L3MBTL4: variants seen among roughly 807,000 people sequenced by gnomAD.
The protein encoded by L3MBTL4 is L3MBTL histone methyl-lysine binding protein 4.
Under a neutral mutation model 84.5 loss-of-function variants are expected in L3MBTL4, and 70 were observed. That is an observed-to-expected ratio of 0.83 (90% confidence interval 0.68 to 1.01). The LOEUF (loss-of-function observed/expected upper bound fraction) is 1.01, where lower values mean the gene tolerates loss of function less well. L3MBTL4 is among the 50% of genes least tolerant of loss of function. The pLI is 0.00. For synonymous variants in L3MBTL4, 274 were observed against 259.8 expected (o/e 1.05, Z -0.52); for missense variants, 715 against 754.8 (o/e 0.95, Z 0.62).
intron 1 of L3MBTL4, among the ~76,000 whole-genome samples, chr18:6,337,838 T>C (rs967094740): frequency 4.6e-5 from 7 of 151,968 alleles, no homozygotes; most frequent in African/African-American, 1.7e-4. Context: ...TCTAACCATA[T>C]GCTAATAAGA....
At chr18:6,122,229 T>G (rs2059554747) in intron 14 of L3MBTL4, among the ~76,000 whole-genome samples, 1 of 151,964 alleles carries the variant, frequency 6.6e-6, no homozygotes, top group Non-Finnish European at 1.5e-5. Flanking sequence ...ATTATTAACT[T>G]GTACAATAGA....
At chr18:6,052,460 A>G (rs531487098) in intron 16 of L3MBTL4, among the ~76,000 whole-genome samples, 74 of 152,346 alleles carry the variant, frequency 4.9e-4, no homozygotes, top group Admixed American at 8.5e-4. Context: ...AAAGAAATAT[A>G]TTGGATTGTA....
intron 12 of L3MBTL4, among the ~76,000 whole-genome samples, chr18:6,185,891 C>T (rs73383936): frequency 0.018 from 2,675 of 151,672 alleles, 85 homozygotes; most frequent in African/African-American, 0.062. Context: ...CTGCAAGGGG[C>T]CCGGATCTGG....
chr18:6,034,018 A>T (rs1296767706), intron 16 of L3MBTL4, among the ~76,000 whole-genome samples: 1 of 152,180 alleles, frequency 6.6e-6, no homozygotes, highest in African/African-American at 2.4e-5. Flanking sequence ...ATGGCTTTGA[A>T]TCACTCTCTA....
At chr18:6,233,554 C>T (rs1214013595) in intron 10 of L3MBTL4, among the ~76,000 whole-genome samples, 1 of 150,902 alleles carries the variant, frequency 6.6e-6, no homozygotes, top group Non-Finnish European at 1.5e-5. Context: ...CATGAGTGAA[C>T]TCCCATTCAC....
chr18:6,310,111 G>A (rs999192160), intron 3 of L3MBTL4, among the ~76,000 whole-genome samples: 2 of 152,184 alleles, frequency 1.3e-5, no homozygotes, highest in Non-Finnish European at 2.9e-5. Flanking sequence ...GGGACCACAT[G>A]TGGAGAAGTA....
intron 4 of L3MBTL4, among the ~76,000 whole-genome samples, chr18:6,267,559 C>CA (rs1376223548): frequency 2.6e-5 from 4 of 152,190 alleles, no homozygotes; most frequent in Non-Finnish European, 4.4e-5. Flanking sequence ...ATGTGCTTTA[C>CA]AAAAAACATT....
chr18:6,351,548 T>G (rs193041223), intron 1 of L3MBTL4, among the ~76,000 whole-genome samples: 1 of 151,518 alleles, frequency 6.6e-6, no homozygotes, highest in East Asian at 1.9e-4. Context: ...TTTTTAAATG[T>G]GGATTTTTTA....
At chr18:6,370,991 C>T (rs1329256430) in intron 1 of L3MBTL4, among the ~76,000 whole-genome samples, 1 of 152,126 alleles carries the variant, frequency 6.6e-6, no homozygotes, top group Non-Finnish European at 1.5e-5. Flanking sequence ...GTCTTAGTCG[C>T]GCCAAGGAGG....
At chr18:6,031,472 G>A (rs771360595) in intron 16 of L3MBTL4, 109 of 985,414 alleles carry the variant, frequency 1.1e-4, no homozygotes, top group Middle Eastern at 5.2e-4. Context: ...GAAATTCAGG[G>A]ACCATCAGCA....
chr18:6,290,525 AT>A (rs750660190), intron 4 of L3MBTL4, among the ~76,000 whole-genome samples: 57 of 137,982 alleles, frequency 4.1e-4, no homozygotes, highest in Middle Eastern at 3.8e-3. Context: ...GAATTCTTTT[AT>A]TTTTTTTTTT....
chr18:6,129,443 T>C (rs1247030607), intron 14 of L3MBTL4, among the ~76,000 whole-genome samples: 1 of 151,752 alleles, frequency 6.6e-6, no homozygotes, highest in Non-Finnish European at 1.5e-5. Flanking sequence ...AAGTTTGGTA[T>C]TTCTTCCCTT....
intron 4 of L3MBTL4, among the ~76,000 whole-genome samples, chr18:6,286,817 T>G (rs1417045032): frequency 6.6e-6 from 1 of 152,138 alleles, no homozygotes; most frequent in Non-Finnish European, 1.5e-5. Context: ...AACTCCTGAT[T>G]GTCGCTCTGT....
intron 16 of L3MBTL4, chr18:6,031,752 TCA>T: frequency 1.0e-6 from 1 of 984,498 alleles, no homozygotes; most frequent in Non-Finnish European, 1.2e-6. Context: ...AAGTGCTGTC[TCA>T]CACCTCTGTG....
intron 4 of L3MBTL4, among the ~76,000 whole-genome samples, chr18:6,273,918 C>T (rs2048975887): frequency 6.6e-6 from 1 of 152,210 alleles, no homozygotes; most frequent in Non-Finnish European, 1.5e-5. Flanking sequence ...GTGTGGTCAT[C>T]CCTGCAAACT....
intron 10 of L3MBTL4, among the ~76,000 whole-genome samples, chr18:6,234,802 C>T (rs1032153005): frequency 3.3e-5 from 5 of 152,054 alleles, no homozygotes; most frequent in African/African-American, 7.2e-5. Flanking sequence ...TTTGACCCAG[C>T]GATCCCATCA....
intron 17 of L3MBTL4, among the ~76,000 whole-genome samples, chr18:5,964,159 C>A (rs1254484867): frequency 6.6e-6 from 1 of 152,242 alleles, no homozygotes; most frequent in Non-Finnish European, 1.5e-5. Flanking sequence ...ACGCAGTGTC[C>A]TACAGCTAAA....
At chr18:6,137,038 C>T (rs1403344738) in intron 14 of L3MBTL4, among the ~76,000 whole-genome samples, 1 of 152,218 alleles carries the variant, frequency 6.6e-6, no homozygotes, top group Non-Finnish European at 1.5e-5. Context: ...AATAACATTT[C>T]ACTCTTGCTC....
At chr18:6,006,232 T>C (rs991981165) in intron 16 of L3MBTL4, among the ~76,000 whole-genome samples, 1 of 152,150 alleles carries the variant, frequency 6.6e-6, no homozygotes. Flanking sequence ...ACACTGAGTA[T>C]GTATAAGTCT....
Sources: gnomAD v4.1 joint callset for allele counts (sites outside exome capture counted in the v4.1 genomes callset) on GRCh38, gnomAD v4.1.1 for gene constraint, MANE v1.5 for transcripts, NCBI Gene and HGNC (gene_info 2026-07-23, HGNC 2026-07-21) for gene names.